NPC1L1: variants seen among roughly 807,000 people sequenced by gnomAD.
NPC1L1 encodes the protein NPC1-like intracellular cholesterol transporter 1.
NPC1L1 carries 98 observed loss-of-function variants against 117.0 expected under a neutral mutation model. The ratio of observed to expected loss-of-function variants is 0.84; its 90% CI spans 0.71 to 0.99. The LOEUF (loss-of-function observed/expected upper bound fraction) is 0.99, where lower values mean the gene tolerates loss of function less well. Ranked by LOEUF, NPC1L1 falls within the 50% of genes least tolerant of loss-of-function variation. The pLI, the probability that NPC1L1 is intolerant of heterozygous loss-of-function variation, is 0.00. For synonymous variants in NPC1L1, 729 were observed against 727.6 expected (o/e 1.00, Z -0.03); for missense variants, 1,540 against 1,710.0 (o/e 0.90, Z 1.75).
rs1802097422 is a variant in NPC1L1, at chr7:44,541,306, A to T, written c.-47T>A. On this transcript the variant is annotated 5_prime_UTR_variant, in exon 1 of 19. Transcript: ENST00000381160. ...GCGGGGAGCCAGGCCAGGCCTCAGG[A>T]ACAGCCAAGGGCTGAACACACATTA... 4 of 1,537,756 alleles carry T rather than the reference A, an allele frequency of 2.6e-6. No individual in the cohort carries two copies. In the African/African-American group the frequency reaches 4.1e-5, roughly 16 times the overall value.
chr7:44,536,536 C>T lies in NPC1L1; in HGVS notation c.1682-108G>A. 1 of 1,241,226 alleles carries T rather than the reference C, an allele frequency of 8.1e-7. No homozygotes were observed. 76.9% of individuals were successfully genotyped at this position (1,241,226 alleles called of 1,614,324 possible). On this transcript the variant is annotated intron_variant, in intron 3 of 18. Transcript: ENST00000381160. The surrounding 1 kb of genome is among the most constrained non-coding windows in gnomAD (Gnocchi z 4.7). ...TATCTAGCTGCACCCCTCCCATCAC[C>T]CCTTGCTCCTTCTCCCCCACTCCTT...
At chr7:44,521,265 G>T in intron 12 of NPC1L1, 147 bp from the exon 13 acceptor site, 1 of 1,116,792 alleles carries the variant, frequency 9.0e-7, no homozygotes, top group Non-Finnish European at 1.3e-6. Context: ...TTTGTCATTT[G>T]TGGGAGAAGT....
intron 7 of NPC1L1, 81 bp downstream of exon 7, chr7:44,533,658 C>A: frequency 6.2e-7 from 1 of 1,607,542 alleles, no homozygotes; most frequent in Non-Finnish European, 8.5e-7. Flanking sequence ...GCACTATACC[C>A]ACTGCCCTCT....
Position 44,540,339 on chromosome 7 carries a change from G to A in NPC1L1, c.58C>T (p.Gln20Ter). 1 of 1,612,004 alleles carries A rather than the reference G, an allele frequency of 6.2e-7. No homozygotes were observed. Among genetic ancestry groups the A allele is most frequent in the Admixed American group, 1.7e-5 (1 of 60,012 alleles). ...TGGATGGTTGTGTAAGGCTCACTCT[G>A]GGCCTGCAGAGCACAGCAACATCAC... is the stretch of plus-strand genomic sequence containing the variant. ...LLWALLLRLA[Q>*]SEPYTTIHQP... The change falls in exon 2 of 19, where the codon CAG becomes TAG. Residue 20 changes from glutamine (Q) to a stop codon, truncating the protein, a stop_gained. Transcript: ENST00000381160. LOFTEE classifies it high-confidence loss of function.
At chr7:44,527,332 C>T (rs1184738136) in intron 10 of NPC1L1, among the ~76,000 whole-genome samples, 1 of 151,838 alleles carries the variant, frequency 6.6e-6, no homozygotes, top group Non-Finnish European at 1.5e-5. Flanking sequence ...GTGGCACATG[C>T]CTGTAATCCC....
At chr7:44,532,040 C>T in intron 9 of NPC1L1, 40 bp downstream of exon 9, 1 of 1,614,050 alleles carries the variant, frequency 6.2e-7, no homozygotes, top group Non-Finnish European at 8.5e-7. Flanking sequence ...GAGGTCCCCA[C>T]CTAGTGCCCC....
chr7:44,518,098 A>G (rs1047135588), intron 14 of NPC1L1, among the ~76,000 whole-genome samples: 1 of 151,318 alleles, frequency 6.6e-6, no homozygotes, highest in African/African-American at 2.4e-5. Context: ...TGGGCAACAG[A>G]GCAAGATCCC....
chr7:44,526,546 C>CAAAAAAAAAAAAAAAAAAAAAAAAAA (rs372498105), intron 10 of NPC1L1, among the ~76,000 whole-genome samples: 3 of 68,346 alleles, frequency 4.4e-5, no homozygotes, highest in African/African-American at 2.1e-4. Context: ...GACTCCATCT[C>CAAAAAAAAAAAAAAAAAAAAAAAAAA]AAAAAAAAAA....
intron 2 of NPC1L1, among the ~76,000 whole-genome samples, chr7:44,537,611 CT>C (rs1415578040): frequency 3.3e-5 from 5 of 152,230 alleles, no homozygotes; most frequent in African/African-American, 1.2e-4. Context: ...CTCTACCCCC[CT>C]CTCTCAGATC....
In NPC1L1 at chr7:44,538,771, C is replaced by T. The variant is rs1310613152; in HGVS notation, c.1580+46G>A. ...TTCCCAGGAGGCCATGGCAGCCCAG[C>T]CCCAGCCCCAGCCCACTCCTCGCTT... is the stretch of plus-strand genomic sequence containing the variant. On this transcript the variant is annotated intron_variant, in intron 2 of 18. Coordinates refer to ENST00000381160, the MANE Select transcript of NPC1L1 (RefSeq NM_001101648.2). The surrounding 1 kb of genome is among the most constrained non-coding windows in gnomAD (Gnocchi z 5.9). 1 of 1,594,280 alleles carries T rather than the reference C, an allele frequency of 6.3e-7. No individual in the cohort carries two copies. The highest frequency in any genetic ancestry group is 2.2e-5 in the East Asian group (1 of 44,792).
Position 44,540,040 on chromosome 7 carries a change from A to G in NPC1L1, c.357T>C (p.Asn119=), listed in dbSNP as rs773069278. The change falls in exon 2 of 19, where the codon AAT becomes AAC. Residue 119 remains asparagine, a synonymous_variant. Transcript: ENST00000381160. The part of the protein sequence containing the change: ...LLTRCPACSD[N]FVNLHCHNTC... ...TGTTGTGGCAGTGCAGGTTCACAAA[A>G]TTGTCAGAGCAGGCTGGGCAGCGGG... 2 of 1,614,040 alleles carry G rather than the reference A, an allele frequency of 1.2e-6. No individual in the cohort carries two copies. The highest frequency in any genetic ancestry group is 1.1e-5 in the South Asian group (1 of 91,092).
At chr7:44,519,350 A>T (rs1331091714) in intron 14 of NPC1L1, among the ~76,000 whole-genome samples, 1 of 152,100 alleles carries the variant, frequency 6.6e-6, no homozygotes, top group African/African-American at 2.4e-5. Flanking sequence ...GCTTGGCTCT[A>T]CTGTGTGCTC....
At chr7:44,514,544 C>T (rs927985115) in intron 18 of NPC1L1, among the ~76,000 whole-genome samples, 3 of 151,870 alleles carry the variant, frequency 2.0e-5, no homozygotes, top group African/African-American at 4.8e-5. Context: ...TGGCATACAC[C>T]GATATCCCAG....
Position 44,535,842 on chromosome 7 carries a change from T to C in NPC1L1, c.1981A>G (p.Met661Val). ...GCTGTGTCCCTCCCGCTTCTCACCA[T>C]CACTCGGCTCCAGCTGGAATAGCTG... Reference protein sequence around the residue: ...LGSYSSWSRVMVDSKATLGLG... With the variant: ...LGSYSSWSRVVVDSKATLGLG... Residue 661 changes from methionine to valine, a missense_variant and splice_region_variant, in exon 5 of 19, where the codon ATG becomes GTG. Met to Val is a conservative substitution (Grantham distance 21, BLOSUM62 1). Coordinates refer to ENST00000381160, the MANE Select transcript of NPC1L1 (RefSeq NM_001101648.2). The C allele has an allele frequency of 1.2e-6, 2 of 1,612,844 alleles. No homozygotes were observed. The highest frequency in any genetic ancestry group is 2.2e-5 in the East Asian group (1 of 44,880).
intron 14 of NPC1L1, chr7:44,518,766 A>G: frequency 9.1e-7 from 1 of 1,094,156 alleles, no homozygotes; most frequent in Non-Finnish European, 1.1e-6. Flanking sequence ...AAAAAAGAAG[A>G]GAAATGTTCT....
rs143969683 is a variant in NPC1L1, at chr7:44,540,085, C to T, written c.312G>A (p.Ser104=). 80 of 1,613,990 alleles carry T rather than the reference C, an allele frequency of 5.0e-5. No individual in the cohort carries two copies. The highest frequency in any genetic ancestry group is 1.9e-4 in the African/African-American group (14 of 74,900). The change falls in exon 2 of 19, where the codon TCG becomes TCA. Residue 104 remains serine, a synonymous_variant. Transcript: ENST00000381160. ...KQLVSLEASL[S]ITKALLTRCP... is the part of the protein sequence containing the mutation. ...AGCGGGTGAGGAGGGCCTTGGTGAT[C>T]GACAGACTCGCTTCCAGTGATACCA... is the stretch of plus-strand genomic sequence containing the variant.
rs1219615159 is a variant in NPC1L1 at position 44,539,306 on chromosome 7, A to G, written c.1091T>C (p.Val364Ala). The G allele has an allele frequency of 6.2e-7, 1 of 1,614,034 alleles. No individual in the cohort carries two copies. The highest frequency in any genetic ancestry group is 2.2e-5 in the East Asian group (1 of 44,878). Residue 364 changes from valine (V) to alanine (A), a missense_variant, in exon 2 of 19, where the codon GTG becomes GCG. Physicochemically the swap from Val to Ala is moderately conservative, Grantham distance 64. This residue lies in a region of NPC1L1 where 793 missense variants were observed against 820.4 expected (regional missense o/e 0.97). Transcript: ENST00000381160. The surrounding 1 kb of genome is among the most constrained non-coding windows in gnomAD (Gnocchi z 4.4). ...TILVLSVIPVVALAAGLVFTE... is the reference protein window; with the variant it reads ...TILVLSVIPVAALAAGLVFTE... ...AAAGACCAGGCCCGCTGCCAAGGCC[A>G]CCACCGGGATGACAGATAGCACCAA...
intron 18 of NPC1L1, among the ~76,000 whole-genome samples, chr7:44,514,567 C>T (rs1801128303): frequency 6.6e-6 from 1 of 152,114 alleles, no homozygotes; most frequent in African/African-American, 2.4e-5. Flanking sequence ...ACTCGAGAGG[C>T]TGAGACAGGA....
intron 8 of NPC1L1, chr7:44,533,092 TG>T (rs1400763397): frequency 6.7e-6 from 2 of 299,946 alleles, no homozygotes; most frequent in Non-Finnish European, 1.3e-5. Flanking sequence ...GGTGACAGAG[TG>T]AAACTCCGTC....
Sources: gnomAD v4.1 joint callset for allele counts (sites outside exome capture counted in the v4.1 genomes callset) on GRCh38, gnomAD v4.1.1 for gene constraint, gnomAD v4.1.1 regional missense constraint, Gnocchi (gnomAD v3.1) non-coding constraint, MANE v1.5 for transcripts, NCBI Gene and HGNC (gene_info 2026-07-23, HGNC 2026-07-21) for gene names.